The following FAT3 variants were observed in gnomAD, a reference collection of about 807,000 sequenced individuals.
FAT3 encodes protocadherin Fat 3.
A neutral mutation model predicts 310.2 loss-of-function variants in FAT3; 95 were observed. That is an observed-to-expected ratio of 0.31 (90% CI 0.26 to 0.36). The LOEUF is 0.36. FAT3 is among the 10% of genes least tolerant of loss of function. The pLI, the probability that FAT3 is intolerant of heterozygous loss-of-function variation, is 1.00. For missense variants in FAT3, 5,408 were observed against 5,715.6 expected, an observed-to-expected ratio of 0.95 and a Z score of 1.74; for synonymous variants, 2,314 against 2,192.9, an observed-to-expected ratio of 1.06 and a Z score of -1.54.
intron 3 of FAT3, among the ~76,000 whole-genome samples, chr11:92,692,159 T>A (rs1943814211): frequency 6.6e-6 from 1 of 152,136 alleles, no homozygotes; most frequent in African/African-American, 2.4e-5. Flanking sequence ...TCTGATGACC[T>A]CCAAAAAACA....
chr11:92,846,925 C>T (rs565555307), intron 19 of FAT3, among the ~76,000 whole-genome samples: 3 of 152,320 alleles, frequency 2.0e-5, no homozygotes, highest in Admixed American at 6.5e-5. Flanking sequence ...GGTCATCTAG[C>T]CCAGCCCTAT....
chr11:92,814,764 G>A (rs1214581239), intron 13 of FAT3, among the ~76,000 whole-genome samples: 1 of 152,140 alleles, frequency 6.6e-6, no homozygotes, highest in Non-Finnish European at 1.5e-5. Context: ...ATGCATGTGG[G>A]AATTGAAAGC....
chr11:92,331,466 T>C (rs754261470), intron 1 of FAT3, among the ~76,000 whole-genome samples: 6 of 152,010 alleles, frequency 3.9e-5, no homozygotes, highest in Non-Finnish European at 8.8e-5. Context: ...ACACTAAACA[T>C]AGCCCCTCAG....
At chr11:92,628,487 C>T (rs531520438) in intron 3 of FAT3, among the ~76,000 whole-genome samples, 2 of 32,192 alleles carry the variant, frequency 6.2e-5, no homozygotes, top group South Asian at 9.7e-4. Flanking sequence ...AAGAAAAATG[C>T]TCTGCCCTCC....
chr11:92,755,405 G>A (rs929066461), intron 4 of FAT3, among the ~76,000 whole-genome samples: 9 of 151,858 alleles, frequency 5.9e-5, no homozygotes, highest in African/African-American at 2.2e-4. Flanking sequence ...TGTATTTTTA[G>A]TAGAGACAGG....
chr11:92,651,822 CA>C, intron 3 of FAT3, among the ~76,000 whole-genome samples: 1 of 152,270 alleles, frequency 6.6e-6, no homozygotes, highest in Non-Finnish European at 1.5e-5. Context: ...CTATAGTTGT[CA>C]AAATTTTATT....
chr11:92,678,454 G>A (rs1943360577), intron 3 of FAT3, among the ~76,000 whole-genome samples: 1 of 152,106 alleles, frequency 6.6e-6, no homozygotes, highest in African/African-American at 2.4e-5. Context: ...TCATTAATTA[G>A]CATCAATCCA....
Position 92,412,734 on chromosome 11 carries a change from T to TATATATACAC in FAT3, c.3292+57337_3292+57338insCACATATATA, listed in dbSNP as rs1565296384. 2.2e-3 allele frequency among the ~76,000 whole-genome samples: 26 copies of TATATATACAC among 11,884 alleles called. 3 individuals are homozygous for TATATATACAC. Among genetic ancestry groups the TATATATACAC allele is most frequent in the East Asian group, 7.8e-3 (2 of 258 alleles). The allele number at this position is 11,884 out of a possible 152,430, so 7.8% of individuals were successfully genotyped here. On this transcript the variant is annotated intron_variant, in intron 2 of 27. Transcript: ENST00000525166. ...ATATATATATATATATATATATATA[T>TATATATACAC]ATATATATATAAATATACATACATA...
chr11:92,768,915 A>G (rs1040147949), intron 6 of FAT3, among the ~76,000 whole-genome samples: 4 of 152,346 alleles, frequency 2.6e-5, no homozygotes, highest in Admixed American at 6.5e-5. Flanking sequence ...TCATCTTGGC[A>G]TGACACTTAC....
Position 92,867,124 on chromosome 11 carries a change from G to A in FAT3, c.12042G>A (p.Leu4014=), listed in dbSNP as rs776303156. Residue 4014 remains leucine, a synonymous_variant, in exon 22 of 28, where the codon CTG becomes CTA. Coordinates refer to ENST00000525166, the MANE Select transcript of FAT3 (RefSeq NM_001367949.2). ...CGGAGGTGGTGGGCCTGACGGAGCT[G>A]AAGCTGGGCTGCGTGCTCTATCCCG... The part of the protein sequence containing the change: ...SFAEVVGLTE[L]KLGCVLYPDA... The A allele has an allele frequency of 6.2e-7, 1 of 1,602,850 alleles. No individual in the cohort carries two copies. Among genetic ancestry groups the A allele is most frequent in the East Asian group, 2.3e-5 (1 of 44,418 alleles).
At chr11:92,351,377 A>G (rs1225189219) in intron 1 of FAT3, among the ~76,000 whole-genome samples, 1 of 152,188 alleles carries the variant, frequency 6.6e-6, no homozygotes, top group Non-Finnish European at 1.5e-5. Context: ...CTATTGATGA[A>G]CAATGTTCAT....
chr11:92,346,521 C>T (rs1022767937), intron 1 of FAT3, among the ~76,000 whole-genome samples: 10 of 152,018 alleles, frequency 6.6e-5, no homozygotes, highest in African/African-American at 2.2e-4. Context: ...AGGTGTGGTC[C>T]CTCTCTGGAC....
At chr11:92,436,422 G>A (rs932418717) in intron 2 of FAT3, among the ~76,000 whole-genome samples, 2 of 152,158 alleles carry the variant, frequency 1.3e-5, no homozygotes, top group African/African-American at 2.4e-5. Flanking sequence ...GATTACAGGC[G>A]TGAGCCACTG....
intron 3 of FAT3, among the ~76,000 whole-genome samples, chr11:92,655,370 T>A (rs1034552421): frequency 1.7e-4 from 26 of 152,208 alleles, no homozygotes; most frequent in African/African-American, 5.8e-4. Flanking sequence ...ATTGAATGAA[T>A]TAATGACTGA....
intron 2 of FAT3, among the ~76,000 whole-genome samples, chr11:92,458,853 C>G (rs1011022960): frequency 2.6e-5 from 4 of 152,264 alleles, no homozygotes; most frequent in African/African-American, 9.6e-5. Flanking sequence ...GATTTTGTGT[C>G]AGAGTTTTAA....
At chr11:92,461,236 G>C (rs1026418407) in intron 2 of FAT3, among the ~76,000 whole-genome samples, 1 of 152,090 alleles carries the variant, frequency 6.6e-6, no homozygotes, top group Admixed American at 6.6e-5. Context: ...TGGATGAGAG[G>C]AGAGAGATAA....
chr11:92,653,081 C>T (rs1480415129), intron 3 of FAT3, among the ~76,000 whole-genome samples: 1 of 152,160 alleles, frequency 6.6e-6, no homozygotes, highest in Non-Finnish European at 1.5e-5. Flanking sequence ...CTCTCTTGAA[C>T]CCAGGAGGCA....
At chr11:92,522,779 C>T (rs546585345) in intron 2 of FAT3, among the ~76,000 whole-genome samples, 16 of 152,228 alleles carry the variant, frequency 1.1e-4, no homozygotes, top group African/African-American at 3.9e-4. Context: ...CCAAATTCCA[C>T]CTCATTTTAA....
At chr11:92,466,403 A>G (rs1951761179) in intron 2 of FAT3, among the ~76,000 whole-genome samples, 1 of 152,142 alleles carries the variant, frequency 6.6e-6, no homozygotes, top group Admixed American at 6.6e-5. Context: ...ACTTAAAAAG[A>G]CAAAAATGGC....
Sources: gnomAD v4.1 joint callset for allele counts (sites outside exome capture counted in the v4.1 genomes callset) on GRCh38, gnomAD v4.1.1 for gene constraint, MANE v1.5 for transcripts, NCBI Gene and HGNC (gene_info 2026-07-23, HGNC 2026-07-21) for gene names.